Variants in CSMD1 observed in about 807,000 individuals in gnomAD.
CSMD1 encodes CUB and Sushi multiple domains 1.
Under a neutral mutation model 417.5 loss-of-function variants are expected in CSMD1, and 213 were observed. That is an observed-to-expected ratio of 0.51 (90% confidence interval 0.46 to 0.57). CSMD1 has a LOEUF of 0.57. Among genes scored for constraint, CSMD1 ranks in the 20% least tolerant of loss-of-function variants. The pLI, the probability that CSMD1 is intolerant of heterozygous loss-of-function variation, is 0.00. For synonymous variants in CSMD1, 2,862 were observed against 1,736.8 expected (o/e 1.65, Z -16.11); for missense variants, 6,923 against 4,529.7 (o/e 1.53, Z -15.17).
chr8:4,920,084 A>C (rs1806335957), intron 1 of CSMD1, among the ~76,000 whole-genome samples: 1 of 152,170 alleles, frequency 6.6e-6, no homozygotes, highest in Non-Finnish European at 1.5e-5. Flanking sequence ...ATGAAAAGAC[A>C]AATAGAAGAC....
At chr8:4,398,140 G>C (rs367589473) in intron 3 of CSMD1, among the ~76,000 whole-genome samples, 4 of 152,240 alleles carry the variant, frequency 2.6e-5, no homozygotes, top group African/African-American at 9.6e-5. Context: ...AAAGTGTTTA[G>C]AGCAGGTGGT....
At chr8:4,847,854 T>G (rs1393248845) in intron 1 of CSMD1, among the ~76,000 whole-genome samples, 1 of 152,014 alleles carries the variant, frequency 6.6e-6, no homozygotes. Flanking sequence ...TTTCAGTGTT[T>G]CATTATATTC....
At chr8:4,043,419 C>G (rs920718352) in intron 3 of CSMD1, among the ~76,000 whole-genome samples, 5 of 152,130 alleles carry the variant, frequency 3.3e-5, no homozygotes, top group South Asian at 2.1e-4. Context: ...TGACATGAAC[C>G]TCACACCTGC....
chr8:3,989,773 T>C (rs1814606928), intron 5 of CSMD1, among the ~76,000 whole-genome samples: 1 of 152,202 alleles, frequency 6.6e-6, no homozygotes, highest in Admixed American at 6.5e-5. Flanking sequence ...CCACTACTCA[T>C]TTAAAGGATG....
intron 3 of CSMD1, among the ~76,000 whole-genome samples, chr8:4,086,319 A>C (rs1800417257): frequency 6.6e-6 from 1 of 152,198 alleles, no homozygotes; most frequent in African/African-American, 2.4e-5. Context: ...AGAAGTTCCA[A>C]AGCCTTTTTC....
intron 7 of CSMD1, among the ~76,000 whole-genome samples, chr8:3,699,011 T>G (rs1016938734): frequency 6.6e-6 from 1 of 152,170 alleles, no homozygotes; most frequent in South Asian, 2.1e-4. Flanking sequence ...CCACCCTCCT[T>G]GTACCCACAT....
At chr8:4,329,671 A>C (rs948287387) in intron 3 of CSMD1, among the ~76,000 whole-genome samples, 1 of 151,976 alleles carries the variant, frequency 6.6e-6, no homozygotes, top group Admixed American at 6.6e-5. Context: ...TCCCCACCCA[A>C]ATCTCATGTT....
At chr8:3,989,137 G>A (rs944204455) in intron 5 of CSMD1, among the ~76,000 whole-genome samples, 1 of 152,182 alleles carries the variant, frequency 6.6e-6, no homozygotes, top group Non-Finnish European at 1.5e-5. Context: ...ATGTGGGGCG[G>A]GCATTTTGCT....
rs1230340849 is a variant in CSMD1, at chr8:2,936,509, T to A, written c.*2076A>T. 6.6e-6 allele frequency: 1 copy of A among 152,180 alleles called. No homozygotes were observed. The highest frequency in any genetic ancestry group is 1.5e-5 in the Non-Finnish European group (1 of 68,034). The allele number at this position is 152,180 out of a possible 1,614,324, so 9.4% of individuals were successfully genotyped here. On this transcript the variant is annotated 3_prime_UTR_variant, in exon 70 of 70. Coordinates refer to ENST00000635120, the MANE Select transcript of CSMD1 (RefSeq NM_033225.6). ...TGTGTGTTAGGAGCACGACTCCCGC[T>A]GACCTCGTCCCGTCTACTGTGAAAC...
intron 47 of CSMD1, among the ~76,000 whole-genome samples, chr8:3,095,916 G>T (rs528351778): frequency 1.3e-5 from 2 of 152,170 alleles, no homozygotes; most frequent in South Asian, 2.1e-4. Context: ...AAACAGTATT[G>T]CACGTGTTCA....
intron 2 of CSMD1, among the ~76,000 whole-genome samples, chr8:4,624,329 T>A (rs1280686950): frequency 6.6e-6 from 1 of 152,130 alleles, no homozygotes; most frequent in Non-Finnish European, 1.5e-5. Context: ...CTTCGAGCTC[T>A]TGTCAAATCT....
At chr8:3,843,389 A>T (rs949534951) in intron 5 of CSMD1, among the ~76,000 whole-genome samples, 1 of 152,224 alleles carries the variant, frequency 6.6e-6, no homozygotes, top group South Asian at 2.1e-4. Flanking sequence ...AATTATAAGC[A>T]AAGATATTTC....
chr8:3,992,124 A>ATGTGTG (rs35587992), intron 5 of CSMD1, among the ~76,000 whole-genome samples: 3 of 150,346 alleles, frequency 2.0e-5, no homozygotes, highest in Non-Finnish European at 4.4e-5. Flanking sequence ...GTGTATATAT[A>ATGTGTG]TGTGTGTGTG....
intron 3 of CSMD1, among the ~76,000 whole-genome samples, chr8:4,343,724 T>C (rs1243996655): frequency 6.6e-6 from 1 of 151,926 alleles, no homozygotes; most frequent in Non-Finnish European, 1.5e-5. Flanking sequence ...TTCGACTAGG[T>C]CCATAAGGAA....
rs117890793 is a variant in CSMD1 at position 3,919,813 on chromosome 8, T to C, written c.818+78090A>G. On this transcript the variant is annotated intron_variant, in intron 5 of 69. Coordinates refer to ENST00000635120, the MANE Select transcript of CSMD1 (RefSeq NM_033225.6). ...TTGTGTTTTCAATTTTCTTCATAAA[T>C]ATTGTATAATTTTCAGTGTACAGAT... is the stretch of plus-strand genomic sequence containing the variant. Among the ~76,000 whole-genome samples the C allele has an allele frequency of 7.1e-3, 1,082 of 152,072 alleles. 10 individuals are homozygous for C. The highest frequency in any genetic ancestry group is 0.01 in the Middle Eastern group (3 of 294).
intron 6 of CSMD1, among the ~76,000 whole-genome samples, chr8:3,753,404 C>G (rs1415418219): frequency 6.6e-6 from 1 of 152,102 alleles, no homozygotes; most frequent in Non-Finnish European, 1.5e-5. Flanking sequence ...CATTACCAAG[C>G]TCTGTCCTAA....
chr8:3,709,660 G>C lies in CSMD1; in HGVS notation c.932-1169C>G, dbSNP rs975826101. On this transcript the variant is annotated intron_variant, in intron 6 of 69. Coordinates refer to ENST00000635120, the MANE Select transcript of CSMD1 (RefSeq NM_033225.6). Reference sequence around the variant, plus strand: ...GGCAAGACTTCCTCCTGCCTGATGGGCTTTAAATTGCAGCAGCATGTTTTT... The same window carrying C: ...GGCAAGACTTCCTCCTGCCTGATGGCCTTTAAATTGCAGCAGCATGTTTTT... 3.7e-5 allele frequency among the ~76,000 whole-genome samples: 4 copies of C among 106,796 alleles called. 1 individual carries two copies. Among genetic ancestry groups the C allele is most frequent in the Admixed American group, 2.0e-4 (2 of 10,058 alleles). 70.1% of individuals were successfully genotyped at this position (106,796 alleles called of 152,430 possible). A position where few individuals can be genotyped will look rare whatever the true frequency, so the allele number is the denominator to read the frequency against.
At chr8:3,893,423 T>A (rs1037722462) in intron 5 of CSMD1, among the ~76,000 whole-genome samples, 2 of 146,224 alleles carry the variant, frequency 1.4e-5, no homozygotes, top group African/African-American at 5.0e-5. Context: ...AAAATCTGGA[T>A]CAACTCCTGA....
At chr8:3,223,386 A>G (rs1798321806) in intron 28 of CSMD1, among the ~76,000 whole-genome samples, 1 of 152,220 alleles carries the variant, frequency 6.6e-6, no homozygotes. Context: ...TCAGGCATTT[A>G]GAGTGATAGG....
Sources: allele counts gnomAD v4.1 joint callset (sites outside exome capture counted in the v4.1 genomes callset), GRCh38; gene constraint gnomAD v4.1.1; transcripts MANE v1.5; gene names NCBI Gene and HGNC (gene_info 2026-07-23, HGNC 2026-07-21).